The following DPYSL3 variants were observed in gnomAD, a reference collection of about 807,000 sequenced individuals.
DPYSL3 encodes the protein dihydropyrimidinase-related protein 3.
A neutral mutation model predicts 66.1 loss-of-function variants in DPYSL3; 16 were observed. The observed-to-expected ratio is 0.24, with a 90% CI of 0.16 to 0.37. The LOEUF (loss-of-function observed/expected upper bound fraction) is 0.37. DPYSL3 is among the 10% of genes least tolerant of loss of function. DPYSL3 has a pLI of 1.00. For synonymous variants in DPYSL3, 338 were observed against 345.1 expected (o/e 0.98, Z 0.23); for missense variants, 738 against 916.2 (o/e 0.81, Z 2.51).
chr5:147,505,079 T>C (rs557441696), intron 1 of DPYSL3, among the ~76,000 whole-genome samples: 1 of 152,202 alleles, frequency 6.6e-6, no homozygotes, highest in Non-Finnish European at 1.5e-5. Context: ...AAGCCAACCA[T>C]AGAGGATTTT....
chr5:147,453,766 A>T, intron 1 of DPYSL3: 1 of 1,307,482 alleles, frequency 7.6e-7, no homozygotes, highest in Non-Finnish European at 9.7e-7. Flanking sequence ...TGCCAGAGAC[A>T]ATAGTAAATC....
intron 8 of DPYSL3, 51 bp from the exon 9 acceptor site, chr5:147,401,747 C>T (rs534089493): frequency 1.2e-5 from 20 of 1,604,534 alleles, no homozygotes; most frequent in Non-Finnish European, 1.7e-5. Flanking sequence ...ATATGCTGCA[C>T]TGGGCCAAGC....
chr5:147,404,136 T>C (rs1303622089), intron 8 of DPYSL3, among the ~76,000 whole-genome samples: 2 of 152,170 alleles, frequency 1.3e-5, no homozygotes, highest in Non-Finnish European at 2.9e-5. Context: ...TCTTTGCTTT[T>C]CTCCAAGAAT....
intron 7 of DPYSL3, among the ~76,000 whole-genome samples, chr5:147,406,867 G>C (rs1442124536): frequency 1.3e-5 from 2 of 152,192 alleles, no homozygotes; most frequent in African/African-American, 2.4e-5. Context: ...ACCAGTCACT[G>C]TCCATTGTGG....
Position 147,509,537 on chromosome 5 carries a change from C to A in DPYSL3, c.322G>T (p.Val108Leu), listed in dbSNP as rs774205663. The change falls in exon 1 of 14, where the codon GTA becomes TTA. Residue 108 changes from valine (V) to leucine (L), a missense_variant. Coordinates refer to ENST00000343218, the MANE Select transcript of DPYSL3 (RefSeq NM_001197294.2). The surrounding 1 kb of genome is among the most constrained non-coding windows in gnomAD (Gnocchi z 5.3). ...TTGCCGGTGGCGCTCCGGATCTCTA[C>A]CCCGGCGGGGGCGGGGGAGGCGGGC... ...PAPASPAPAG[V>L]EIRSATGKEV... 6.5e-7 allele frequency: 1 copy of A among 1,534,510 alleles called. No homozygotes were observed. Among genetic ancestry groups the A allele is most frequent in the Admixed American group, 2.0e-5 (1 of 50,908 alleles).
At chr5:147,442,386 C>A (rs545488523) in intron 1 of DPYSL3, among the ~76,000 whole-genome samples, 1 of 152,020 alleles carries the variant, frequency 6.6e-6, no homozygotes, top group African/African-American at 2.4e-5. Flanking sequence ...CATTCAAGAG[C>A]GGGAGGAAAT....
intron 1 of DPYSL3, among the ~76,000 whole-genome samples, chr5:147,480,705 AT>A (rs1330171831): frequency 0.024 from 1,062 of 44,640 alleles, 17 homozygotes; most frequent in African/African-American, 0.08. Flanking sequence ...ATATATATAT[AT>A]TATTATTATT....
intron 1 of DPYSL3, among the ~76,000 whole-genome samples, chr5:147,430,017 C>A (rs907185677): frequency 5.3e-5 from 8 of 152,084 alleles, no homozygotes; most frequent in African/African-American, 4.8e-5. Flanking sequence ...AACATCTTTT[C>A]CTTCACTAGG....
chr5:147,425,538 G>A (rs540073831), intron 1 of DPYSL3, among the ~76,000 whole-genome samples: 1 of 152,300 alleles, frequency 6.6e-6, no homozygotes, highest in East Asian at 1.9e-4. Context: ...AGGGGAAAAG[G>A]CAAAGTATCT....
At chr5:147,437,404 G>A (rs1252047754) in intron 1 of DPYSL3, among the ~76,000 whole-genome samples, 1 of 152,228 alleles carries the variant, frequency 6.6e-6, no homozygotes, top group Non-Finnish European at 1.5e-5. Flanking sequence ...TCTATTTGTG[G>A]AGGCCACAGG....
In DPYSL3 at chr5:147,424,479, T is replaced by C. The variant is rs566421339; in HGVS notation, c.470+396A>G. On this transcript the variant is annotated intron_variant, in intron 2 of 13. Coordinates refer to ENST00000343218, the MANE Select transcript of DPYSL3 (RefSeq NM_001197294.2). ...CTATGTCCTATCTGTGCTCTGCCCATCTAAGTCCTATCCTTAAGTCAAGGT... is the reference window on the plus strand; with the variant it reads ...CTATGTCCTATCTGTGCTCTGCCCACCTAAGTCCTATCCTTAAGTCAAGGT... Among the ~76,000 whole-genome samples the C allele has an allele frequency of 2.6e-3, 402 of 152,336 alleles. 5 individuals are homozygous for C. The highest frequency in any genetic ancestry group is 9.0e-3 in the African/African-American group (374 of 41,586).
intron 1 of DPYSL3, among the ~76,000 whole-genome samples, chr5:147,452,469 A>ACACACACACC: frequency 6.6e-6 from 1 of 150,822 alleles, no homozygotes; most frequent in Non-Finnish European, 1.5e-5. Flanking sequence ...ACACACACAC[A>ACACACACACC]CCATCCAATT....
chr5:147,484,918 T>C (rs1753307610), intron 1 of DPYSL3, among the ~76,000 whole-genome samples: 1 of 152,208 alleles, frequency 6.6e-6, no homozygotes, highest in Non-Finnish European at 1.5e-5. Context: ...GGTAAAGAAG[T>C]AACCACAAAA....
intron 1 of DPYSL3, among the ~76,000 whole-genome samples, chr5:147,496,933 A>G (rs1035563756): frequency 3.3e-5 from 5 of 152,204 alleles, no homozygotes; most frequent in African/African-American, 1.2e-4. Flanking sequence ...TCATGCTGCC[A>G]TAAAGACACA....
At chr5:147,436,922 T>A (rs1752423246) in intron 1 of DPYSL3, among the ~76,000 whole-genome samples, 1 of 152,166 alleles carries the variant, frequency 6.6e-6, no homozygotes, top group Non-Finnish European at 1.5e-5. Context: ...GAGGTACTGG[T>A]CAACCATACA....
chr5:147,405,867 TATATCC>T, intron 7 of DPYSL3, 137 bp from the exon 8 acceptor site: 1 of 1,110,178 alleles, frequency 9.0e-7, no homozygotes, highest in Non-Finnish European at 1.3e-6. Flanking sequence ...TTAGATAGCC[TATATCC>T]ACATCTCAGA....
intron 1 of DPYSL3, among the ~76,000 whole-genome samples, chr5:147,465,072 TA>T (rs1752990776): frequency 1.3e-5 from 2 of 152,184 alleles, no homozygotes; most frequent in East Asian, 3.9e-4. Context: ...CACATGCCTG[TA>T]ATTCCAGCTA....
At position 147,429,447 on chromosome 5, in the gene DPYSL3, T is replaced by A. The variant is rs1384658464; in HGVS notation, c.382-4484A>T. On this transcript the variant is annotated intron_variant, in intron 1 of 13. Coordinates refer to ENST00000343218, the MANE Select transcript of DPYSL3 (RefSeq NM_001197294.2). ...ATCAGCCCAGAGTGGATAGTAATAC[T>A]TAGCTCACATCACAGGGTGGCTGCC... Among the ~76,000 whole-genome samples, 6 of 152,128 alleles carry A rather than the reference T, an allele frequency of 3.9e-5. No individual in the cohort carries two copies. The East Asian group carries it at 9.6e-4, about 24-fold the overall frequency.
intron 1 of DPYSL3, among the ~76,000 whole-genome samples, chr5:147,445,908 A>G (rs972202503): frequency 6.6e-6 from 1 of 152,212 alleles, no homozygotes; most frequent in Non-Finnish European, 1.5e-5. Context: ...GATCTCAGTC[A>G]TCATTATTCC....
Sources: gnomAD v4.1 joint callset for allele counts (sites outside exome capture counted in the v4.1 genomes callset) on GRCh38, gnomAD v4.1.1 for gene constraint, Gnocchi (gnomAD v3.1) non-coding constraint, MANE v1.5 for transcripts, NCBI Gene and HGNC (gene_info 2026-07-23, HGNC 2026-07-21) for gene names.